Variants in ANK1 observed in about 807,000 individuals in gnomAD.
The protein encoded by ANK1 is ankyrin-1.
In ANK1, 51 loss-of-function variants were observed where a neutral mutation model predicts 210.4. The ratio of observed to expected loss-of-function variants is 0.24; its 90% confidence interval spans 0.19 to 0.31. The LOEUF (loss-of-function observed/expected upper bound fraction) is 0.31, where lower values mean the gene tolerates loss of function less well. Ranked by LOEUF, ANK1 falls within the 10% of genes least tolerant of loss-of-function variation. The pLI, the probability that ANK1 is intolerant of heterozygous loss-of-function variation, is 1.00. For missense variants in ANK1, 2,051 were observed against 2,504.4 expected (o/e 0.82, Z 3.86); for synonymous variants, 967 against 1,025.9 (o/e 0.94, Z 1.10).
chr8:41,803,128 G>GGAAA (rs1850405157), intron 1 of ANK1, among the ~76,000 whole-genome samples: 2 of 141,290 alleles, frequency 1.4e-5, no homozygotes, highest in Admixed American at 7.2e-5. Context: ...GGAAAGGAAA[G>GGAAA]GAAAGGAAAG....
chr8:41,886,716 G>A (rs1818498257), intron 1 of ANK1, among the ~76,000 whole-genome samples: 1 of 152,192 alleles, frequency 6.6e-6, no homozygotes, highest in Non-Finnish European at 1.5e-5. Flanking sequence ...AGTGCAGGAT[G>A]CAGGAAAGAC....
chr8:41,672,337 C>T lies in ANK1; in HGVS notation c.5096+17G>A, dbSNP rs781732156. 1.1e-5 allele frequency: 17 copies of T among 1,613,326 alleles called. No individual in the cohort carries two copies. Among genetic ancestry groups the T allele is most frequent in the South Asian group, 8.8e-5 (8 of 91,052 alleles). The stretch of plus-strand genomic sequence containing the variant: ...AGAAGACAAAAAGGGACCCTGCTCC[C>T]ACAGTCAAGCTCTTACCTGTCCTGA... On this transcript the variant is annotated intron_variant, in intron 38 of 42. Coordinates refer to ENST00000289734, the MANE Select transcript of ANK1 (RefSeq NM_000037.4).
chr8:41,881,242 A>G (rs1817530252), intron 1 of ANK1, among the ~76,000 whole-genome samples: 2 of 152,218 alleles, frequency 1.3e-5, no homozygotes, highest in Non-Finnish European at 2.9e-5. Flanking sequence ...TACATGTGAG[A>G]AAACAGAGGC....
intron 1 of ANK1, among the ~76,000 whole-genome samples, chr8:41,807,846 G>A (rs760515299): frequency 2.0e-5 from 3 of 151,408 alleles, no homozygotes; most frequent in Non-Finnish European, 4.4e-5. Context: ...CCAAAGAAGG[G>A]AGTGGGAAGG....
At position 41,723,388 on chromosome 8, in the gene ANK1, G is replaced by A. The variant is rs2304874; in HGVS notation, c.810+147C>T. On this transcript the variant is annotated intron_variant, in intron 8 of 42. Transcript: ENST00000289734. ...TTTACTATTGCCTCCCACTGCACGC[G>A]GCACTGCCCAGAATACTGCTGCAGG... 271,942 of 1,143,792 alleles carry A rather than the reference G, an allele frequency of 0.24. 35,055 individuals are homozygous for A. The highest frequency in any genetic ancestry group is 0.27 in the South Asian group (21,574 of 79,516). The allele number at this position is 1,143,792 out of a possible 1,614,324, so 70.9% of individuals were successfully genotyped here.
chr8:41,751,785 A>T (rs991432187), intron 2 of ANK1, among the ~76,000 whole-genome samples: 1 of 152,088 alleles, frequency 6.6e-6, no homozygotes, highest in African/African-American at 2.4e-5. Flanking sequence ...TATCCTCCAC[A>T]CAGCAGCGAG....
chr8:41,873,129 G>T (rs1240564445), intron 1 of ANK1, among the ~76,000 whole-genome samples: 1 of 152,060 alleles, frequency 6.6e-6, no homozygotes, highest in African/African-American at 2.4e-5. Context: ...TTGCAAAAAA[G>T]AAAAAAGTCA....
chr8:41,846,780 ACC>A, intron 1 of ANK1, among the ~76,000 whole-genome samples: 1 of 152,012 alleles, frequency 6.6e-6, no homozygotes, highest in South Asian at 2.1e-4. Flanking sequence ...CCTCATCTGG[ACC>A]CCTTTTTCCC....
intron 6 of ANK1, among the ~76,000 whole-genome samples, chr8:41,724,843 G>A (rs1290737042): frequency 6.6e-6 from 1 of 152,176 alleles, no homozygotes; most frequent in Non-Finnish European, 1.5e-5. Flanking sequence ...GAATGAAAGT[G>A]TAATGGGGCT....
chr8:41,791,332 T>A (rs1273407786), intron 1 of ANK1, among the ~76,000 whole-genome samples: 2 of 129,200 alleles, frequency 1.5e-5, no homozygotes, highest in African/African-American at 5.9e-5. Context: ...CCACCATGCC[T>A]GGCTAATTTT....
At chr8:41,791,511 A>C (rs1199566299) in intron 1 of ANK1, among the ~76,000 whole-genome samples, 1 of 149,188 alleles carries the variant, frequency 6.7e-6, no homozygotes. Flanking sequence ...TGCTCACTGC[A>C]ACCTCTGCCT....
chr8:41,886,162 C>A (rs905485755), intron 1 of ANK1, among the ~76,000 whole-genome samples: 1 of 152,236 alleles, frequency 6.6e-6, no homozygotes, highest in South Asian at 2.1e-4. Context: ...ATGTGTTTCT[C>A]TCTGCCACCC....
intron 2 of ANK1, among the ~76,000 whole-genome samples, chr8:41,753,198 G>A (rs1190655529): frequency 6.6e-6 from 1 of 151,620 alleles, no homozygotes; most frequent in Non-Finnish European, 1.5e-5. Flanking sequence ...CCAAGTAGCT[G>A]GAATTACAGG....
intron 22 of ANK1, among the ~76,000 whole-genome samples, chr8:41,701,335 A>G (rs1822727902): frequency 6.6e-6 from 1 of 152,258 alleles, no homozygotes; most frequent in East Asian, 1.9e-4. Flanking sequence ...GGGATTTTAA[A>G]TTTAGTCAAT....
At chr8:41,857,867 G>A (rs889320505) in intron 1 of ANK1, among the ~76,000 whole-genome samples, 23 of 151,882 alleles carry the variant, frequency 1.5e-4, no homozygotes, top group Non-Finnish European at 1.6e-4. Context: ...TCATGCCACC[G>A]AACTCCAGCC....
rs765194907 is a variant in ANK1, at chr8:41,719,707, G to C, written c.1061C>G (p.Ala354Gly). ...GGCCCCTTTATCCAGAAGGACCTTA[G>C]CCACCCTGTGGTGTCCACAGTGGGC... ...VAAHCGHHRV[A>G]KVLLDKGAKP... The change falls in exon 10 of 43, where the codon GCT becomes GGT. Residue 354 changes from alanine to glycine, a missense_variant. By Grantham distance (60) the Ala-to-Gly change is moderately conservative (BLOSUM62 0). Transcript: ENST00000289734. 1 of 1,614,220 alleles carries C rather than the reference G, an allele frequency of 6.2e-7. No individual in the cohort carries two copies. Among genetic ancestry groups the C allele is most frequent in the Admixed American group, 1.7e-5 (1 of 60,026 alleles).
intron 1 of ANK1, among the ~76,000 whole-genome samples, chr8:41,894,588 A>G (rs1820079577): frequency 6.6e-6 from 1 of 152,194 alleles, no homozygotes. Context: ...TTTTCAAAAA[A>G]TGATATATGG....
In ANK1 at chr8:41,708,881, G is replaced by A. The variant is rs749423708; in HGVS notation, c.1895C>T (p.Ser632Leu). 5.0e-6 allele frequency: 8 copies of A among 1,613,942 alleles called. No homozygotes were observed. Among genetic ancestry groups the A allele is most frequent in the East Asian group, 4.5e-5 (2 of 44,892 alleles). ...LQYGGSANAESVQGVTPLHLA... is the reference protein window; with the variant it reads ...LQYGGSANAELVQGVTPLHLA... ...GTGAAGGGGCGTCACACCTTGCACC[G>A]ACTCGGCGTTTGCTGAGCCCCCATA... The change falls in exon 17 of 43, where the codon TCG becomes TTG. Residue 632 changes from serine (S) to leucine (L), a missense_variant. Transcript: ENST00000289734.
intron 1 of ANK1, among the ~76,000 whole-genome samples, chr8:41,813,294 G>A (rs963867724): frequency 6.6e-6 from 1 of 152,146 alleles, no homozygotes; most frequent in Non-Finnish European, 1.5e-5. Context: ...CGGGGCTTCT[G>A]GAAAAGGACA....
Sources: gnomAD v4.1 joint callset for allele counts (sites outside exome capture counted in the v4.1 genomes callset) on GRCh38, gnomAD v4.1.1 for gene constraint, MANE v1.5 for transcripts, NCBI Gene and HGNC (gene_info 2026-07-23, HGNC 2026-07-21) for gene names.